The following GRK3 variants were observed in gnomAD, a reference collection of about 807,000 sequenced individuals.
GRK3 encodes adrenergic, beta, receptor kinase 2.
Under a neutral mutation model 95.7 loss-of-function variants are expected in GRK3, and 54 were observed. That is an observed-to-expected ratio of 0.56 (90% CI 0.45 to 0.71). GRK3 has a LOEUF of 0.71. GRK3 is among the 30% of genes least tolerant of loss of function. GRK3 has a pLI of 0.00. For synonymous variants in GRK3, 281 were observed against 290.8 expected, an observed-to-expected ratio of 0.97 and a Z score of 0.34; for missense variants, 649 against 851.2, an observed-to-expected ratio of 0.76 and a Z score of 2.96.
At chr22:25,616,325 C>A (rs373524339) in intron 2 of GRK3, among the ~76,000 whole-genome samples, 2 of 152,034 alleles carry the variant, frequency 1.3e-5, no homozygotes, top group South Asian at 2.1e-4. Flanking sequence ...AACTTACAGT[C>A]ATGGCAGAAG....
In GRK3 at chr22:25,705,201, G is replaced by C. The variant is rs113473521; in HGVS notation, c.1328+992G>C. 8.2e-3 allele frequency among the ~76,000 whole-genome samples: 1,250 copies of C among 152,174 alleles called. 8 individuals are homozygous for C. Among genetic ancestry groups the C allele is most frequent in the Admixed American group, 0.015 (231 of 15,284 alleles). The stretch of plus-strand genomic sequence containing the variant: ...ATTTAGCTCACTCATTACTGTCTCT[G>C]TAGCCTTCCCTTCCTCCACCTCTCA... On this transcript the variant is annotated intron_variant, in intron 15 of 20. Coordinates refer to ENST00000324198, the MANE Select transcript of GRK3 (RefSeq NM_005160.4).
intron 1 of GRK3, among the ~76,000 whole-genome samples, chr22:25,592,983 G>A (rs1045548467): frequency 1.3e-5 from 2 of 152,094 alleles, no homozygotes; most frequent in African/African-American, 4.8e-5. Context: ...TGCTGCAAAG[G>A]ACATGATTTC....
chr22:25,686,907 C>A (rs553609014), intron 10 of GRK3, among the ~76,000 whole-genome samples: 4 of 152,220 alleles, frequency 2.6e-5, no homozygotes, highest in Middle Eastern at 3.2e-3. Context: ...GCAATCTCCA[C>A]CTTTCAGGTT....
chr22:25,717,381 C>T (rs1376514794), intron 18 of GRK3, among the ~76,000 whole-genome samples: 1 of 152,124 alleles, frequency 6.6e-6, no homozygotes, highest in Non-Finnish European at 1.5e-5. Context: ...CTCCCTGGCC[C>T]TCCCTCTCCT....
intron 1 of GRK3, among the ~76,000 whole-genome samples, chr22:25,576,938 A>G (rs1333003030): frequency 6.6e-6 from 1 of 152,228 alleles, no homozygotes; most frequent in Non-Finnish European, 1.5e-5. Flanking sequence ...ATTTCCTAGA[A>G]GAAAAGATGT....
chr22:25,571,005 A>G lies in GRK3; in HGVS notation c.113+5852A>G, dbSNP rs370096067. Reference sequence around the variant, plus strand: ...TGCAGTGAAAATATTTTTGCGACATATTTTGTAAAATATTTTGTGATAGGT... The same window carrying G: ...TGCAGTGAAAATATTTTTGCGACATGTTTTGTAAAATATTTTGTGATAGGT... On this transcript the variant is annotated intron_variant, in intron 1 of 20. Coordinates refer to ENST00000324198, the MANE Select transcript of GRK3 (RefSeq NM_005160.4). Among the ~76,000 whole-genome samples, 5 of 152,290 alleles carry G rather than the reference A, an allele frequency of 3.3e-5. No individual in the cohort carries two copies. In the East Asian group the frequency reaches 9.6e-4, roughly 29 times the overall value.
chr22:25,670,488 G>A (rs759893199), intron 6 of GRK3, among the ~76,000 whole-genome samples: 2 of 151,688 alleles, frequency 1.3e-5, no homozygotes, highest in Non-Finnish European at 2.9e-5. Context: ...GACACAGAGT[G>A]AGACCCTGTC....
intron 1 of GRK3, among the ~76,000 whole-genome samples, chr22:25,580,079 A>G (rs1477436193): frequency 2.0e-5 from 3 of 152,198 alleles, no homozygotes; most frequent in African/African-American, 4.8e-5. Context: ...GGACTTGAAT[A>G]TGATCAAGCC....
At chr22:25,655,174 T>G (rs1481291984) in intron 3 of GRK3, among the ~76,000 whole-genome samples, 2 of 152,162 alleles carry the variant, frequency 1.3e-5, no homozygotes, top group Non-Finnish European at 2.9e-5. Flanking sequence ...ATTTCCACTT[T>G]CCTGTGTCCC....
chr22:25,584,713 A>G (rs138576907), intron 1 of GRK3, among the ~76,000 whole-genome samples: 10 of 152,178 alleles, frequency 6.6e-5, no homozygotes, highest in African/African-American at 2.4e-4. Context: ...ATGTGTATGT[A>G]TAGGAAAAAA....
chr22:25,682,396 G>A (rs2085081977), intron 9 of GRK3, among the ~76,000 whole-genome samples: 1 of 152,154 alleles, frequency 6.6e-6, no homozygotes, highest in African/African-American at 2.4e-5. Context: ...GGAGATAGGG[G>A]CTCTATCTTT....
chr22:25,605,926 T>G (rs1377696366), intron 2 of GRK3, among the ~76,000 whole-genome samples: 4 of 152,226 alleles, frequency 2.6e-5, no homozygotes. Flanking sequence ...TCCCTTCAGC[T>G]CTCATTCCAG....
At chr22:25,587,755 CAGTG>C (rs1174338215) in intron 1 of GRK3, among the ~76,000 whole-genome samples, 60 of 152,314 alleles carry the variant, frequency 3.9e-4, no homozygotes, top group African/African-American at 1.3e-3. Flanking sequence ...GTTCTCGTGG[CAGTG>C]AGTAAGTCTC....
intron 1 of GRK3, among the ~76,000 whole-genome samples, chr22:25,576,345 G>T (rs1931897967): frequency 6.6e-6 from 1 of 152,192 alleles, no homozygotes; most frequent in Non-Finnish European, 1.5e-5. Flanking sequence ...CCTGACTACA[G>T]TGGCTTTGGG....
intron 18 of GRK3, 31 bp from the exon 19 acceptor site, chr22:25,718,214 A>G (rs2085402118): frequency 4.4e-6 from 7 of 1,605,480 alleles, no homozygotes; most frequent in Middle Eastern, 1.7e-4. Context: ...TTCAGAGCCT[A>G]TTTAACTCCT....
chr22:25,611,467 A>G (rs978289865), intron 2 of GRK3, among the ~76,000 whole-genome samples: 12 of 152,182 alleles, frequency 7.9e-5, no homozygotes, highest in Admixed American at 2.0e-4. Flanking sequence ...CAGGTTTACT[A>G]TATCCTCACC....
chr22:25,721,697 G>A (rs1225915818), intron 20 of GRK3, among the ~76,000 whole-genome samples: 3 of 152,106 alleles, frequency 2.0e-5, no homozygotes, highest in Admixed American at 2.0e-4. Context: ...CGGCATGTTC[G>A]ATGTTAAGGT....
chr22:25,680,492 C>T (rs1024114048), intron 9 of GRK3, among the ~76,000 whole-genome samples: 3 of 152,050 alleles, frequency 2.0e-5, no homozygotes, highest in Non-Finnish European at 2.9e-5. Context: ...CTCAAGAAAG[C>T]CTATAGAAAA....
At chr22:25,663,869 TC>T (rs919884693) in intron 5 of GRK3, among the ~76,000 whole-genome samples, 165 bp downstream of exon 5, 1 of 152,234 alleles carries the variant, frequency 6.6e-6, no homozygotes, top group Non-Finnish European at 1.5e-5. Flanking sequence ...TCGCTTATCT[TC>T]CCATTGCAAA....
Sources: allele counts gnomAD v4.1 joint callset (sites outside exome capture counted in the v4.1 genomes callset), GRCh38; gene constraint gnomAD v4.1.1; transcripts MANE v1.5; gene names NCBI Gene and HGNC (gene_info 2026-07-23, HGNC 2026-07-21).